Variants in TRIM5 observed in about 807,000 individuals in gnomAD.
The protein encoded by TRIM5 is tripartite motif-containing protein 5.
A neutral mutation model predicts 35.6 loss-of-function variants in TRIM5; 31 were observed. The ratio of observed to expected loss-of-function variants is 0.87; its 90% CI spans 0.65 to 1.18. TRIM5 has a LOEUF of 1.18. TRIM5 is among the 50% of genes most tolerant of loss of function. The probability of loss-of-function intolerance (pLI) is 0.00; values close to 1 mark genes in which losing one functional copy is unlikely to be tolerated. For missense variants in TRIM5, 609 were observed against 591.6 expected (o/e 1.03, Z -0.31); for synonymous variants, 243 against 215.6 (o/e 1.13, Z -1.11).
chr11:5,612,447 T>C, the TRIM5 span: 1 of 152,074 alleles, frequency 6.6e-6, no homozygotes, highest in African/African-American at 2.4e-5. Context: ...TTAATTGCAG[T>C]AAAAACAAAA....
chr11:5,659,084 C>G (rs1398192963), downstream of TRIM5, among the ~76,000 whole-genome samples: 1 of 151,896 alleles, frequency 6.6e-6, no homozygotes, highest in Non-Finnish European at 1.5e-5. Flanking sequence ...CAAACCAACA[C>G]GGCACATGTA....
At position 5,679,894 on chromosome 11, in the gene TRIM5, C is replaced by G. The variant is rs749087471; in HGVS notation, c.284G>C (p.Cys95Ser). ...LSPEGQKVDH[C>S]ARHGEKLLLF... ...TAGAAGTTTCTCTCCATGGCGTGCACAATGATCAACTTTCTGCCCCTCTGG... is the reference window on the plus strand; with the variant it reads ...TAGAAGTTTCTCTCCATGGCGTGCAGAATGATCAACTTTCTGCCCCTCTGG... The change falls in exon 2 of 8, where the codon TGT becomes TCT. Residue 95 changes from cysteine to serine, a missense_variant. Coordinates refer to ENST00000380034, the MANE Select transcript of TRIM5 (RefSeq NM_033034.3). 54 of 1,613,902 alleles carry G rather than the reference C, an allele frequency of 3.3e-5. No individual in the cohort carries two copies. The Admixed American group carries it at 7.7e-4, about 23-fold the overall frequency.
intron 4 of TRIM5, among the ~76,000 whole-genome samples, chr11:5,677,548 AT>A (rs1360297973): frequency 1.3e-5 from 2 of 152,198 alleles, no homozygotes; most frequent in African/African-American, 4.8e-5. Context: ...CAGTGTGGCG[AT>A]TCCTCAGGGA....
At chr11:5,599,279 ACGCTAAATACAGTTTTG>A in the TRIM5 span, among the ~76,000 whole-genome samples, 2 of 152,220 alleles carry the variant, frequency 1.3e-5, no homozygotes, top group African/African-American at 4.8e-5. Context: ...AGAATTGGGT[ACGCTAAATACAGTTTTG>A]CCTGAAATGA....
intron 4 of TRIM5, among the ~76,000 whole-genome samples, chr11:5,668,006 G>C (rs1008339973): frequency 6.6e-6 from 1 of 152,140 alleles, no homozygotes; most frequent in Non-Finnish European, 1.5e-5. Flanking sequence ...TTCTCCAAAC[G>C]TATATGGCTC....
chr11:5,670,983 C>A (rs906742675), intron 4 of TRIM5, among the ~76,000 whole-genome samples: 16 of 152,048 alleles, frequency 1.1e-4, no homozygotes, highest in Non-Finnish European at 1.2e-4. Flanking sequence ...GTGGCTCATT[C>A]CTGTAATCCC....
chr11:5,641,193 C>T, the TRIM5 span: 171 of 1,613,238 alleles, frequency 1.1e-4, no homozygotes, highest in East Asian at 6.2e-4. Context: ...TGAAATGGTG[C>T]GTATGGGTGG....
chr11:5,683,234 C>T (rs2343227), intron 1 of TRIM5, among the ~76,000 whole-genome samples: 80,749 of 152,038 alleles, frequency 0.53, 21,473 homozygotes, highest in African/African-American at 0.53. Flanking sequence ...ACGAGCACCG[C>T]CCCCTGCTCC....
At chr11:5,615,577 G>GTTT in the TRIM5 span, among the ~76,000 whole-genome samples, 3 of 109,472 alleles carry the variant, frequency 2.7e-5, no homozygotes, top group Admixed American at 8.6e-5. Flanking sequence ...CTTGTTTTTT[G>GTTT]TTTTTTTTTT....
the TRIM5 span, chr11:5,642,646 G>C: frequency 7.2e-7 from 1 of 1,385,574 alleles, no homozygotes; most frequent in Non-Finnish European, 9.7e-7. Flanking sequence ...TGGTGAAGAG[G>C]ATGCATTTAT....
the TRIM5 span, among the ~76,000 whole-genome samples, chr11:5,615,588 G>GTTTTTTTT: frequency 1.1e-5 from 1 of 92,326 alleles, no homozygotes; most frequent in Non-Finnish European, 2.4e-5. Context: ...TTTTTTTTTT[G>GTTTTTTTT]TTGTTGTTGT....
chr11:5,628,992 C>T, the TRIM5 span, among the ~76,000 whole-genome samples: 15 of 152,028 alleles, frequency 9.9e-5, no homozygotes, highest in Non-Finnish European at 2.1e-4. Context: ...AAACACAGGT[C>T]AAGGCCGGGT....
chr11:5,640,145 T>A, the TRIM5 span, among the ~76,000 whole-genome samples: 1 of 152,336 alleles, frequency 6.6e-6, no homozygotes, highest in South Asian at 2.1e-4. Flanking sequence ...GACTAGAACC[T>A]CCAATACCAT....
At chr11:5,631,750 G>T in the TRIM5 span, among the ~76,000 whole-genome samples, 1 of 152,168 alleles carries the variant, frequency 6.6e-6, no homozygotes, top group Non-Finnish European at 1.5e-5. Flanking sequence ...TCTGTGGAGA[G>T]ACAGGGAAGT....
chr11:5,642,446 A>G, the TRIM5 span: 1 of 1,613,870 alleles, frequency 6.2e-7, no homozygotes. Flanking sequence ...AATGGTTTCC[A>G]AGAAACTGAA....
the TRIM5 span, chr11:5,611,166 C>T: frequency 3.1e-6 from 5 of 1,614,040 alleles, no homozygotes; most frequent in African/African-American, 1.3e-5. Flanking sequence ...AGTGCCCCCT[C>T]GCCGTGTTGG....
chr11:5,655,325 A>C, the TRIM5 span, among the ~76,000 whole-genome samples: 1 of 152,128 alleles, frequency 6.6e-6, no homozygotes, highest in African/African-American at 2.4e-5. Flanking sequence ...TGCCTCCCAG[A>C]ATAATATTTA....
At chr11:5,600,607 T>A in the TRIM5 span, among the ~76,000 whole-genome samples, 5 of 152,148 alleles carry the variant, frequency 3.3e-5, no homozygotes, top group African/African-American at 9.7e-5. Flanking sequence ...TGGGAGGCAG[T>A]TTGATATACT....
the TRIM5 span, among the ~76,000 whole-genome samples, chr11:5,652,084 A>C: frequency 6.6e-6 from 1 of 150,722 alleles, no homozygotes; most frequent in Non-Finnish European, 1.5e-5. Context: ...ATTTTCTCCC[A>C]TTTTGTAGGT....
Sources: allele counts gnomAD v4.1 joint callset (sites outside exome capture counted in the v4.1 genomes callset), GRCh38; gene constraint gnomAD v4.1.1; transcripts MANE v1.5; gene names NCBI Gene and HGNC (gene_info 2026-07-23, HGNC 2026-07-21).